The following ZSWIM6 variants were observed in gnomAD, a reference collection of about 807,000 sequenced individuals.
ZSWIM6 encodes zinc finger SWIM-type containing 6.
ZSWIM6 carries 9 observed loss-of-function variants against 113.2 expected under a neutral mutation model. The ratio of observed to expected loss-of-function variants is 0.08; its 90% CI spans 0.05 to 0.14. The LOEUF is 0.14. Ranked by LOEUF, ZSWIM6 falls within the 10% of genes least tolerant of loss-of-function variation. The probability of loss-of-function intolerance (pLI) is 1.00; values close to 1 mark genes in which losing one functional copy is unlikely to be tolerated. For missense variants in ZSWIM6, 1,162 were observed against 1,552.2 expected (o/e 0.75, Z 4.22); for synonymous variants, 611 against 606.5 (o/e 1.01, Z -0.11).
chr5:61,340,039 TA>T (rs1744509309), intron 1 of ZSWIM6, among the ~76,000 whole-genome samples: 1 of 152,244 alleles, frequency 6.6e-6, no homozygotes. Flanking sequence ...GTCTGTTAGA[TA>T]AAAACCTGGT....
chr5:61,514,890 A>G (rs11742658), intron 4 of ZSWIM6, among the ~76,000 whole-genome samples: 58,148 of 151,988 alleles, frequency 0.38, 11,306 homozygotes, highest in African/African-American at 0.44. Context: ...GGCCTCATAC[A>G]GTGGGAACCC....
chr5:61,342,029 G>A (rs1320523164), intron 1 of ZSWIM6, among the ~76,000 whole-genome samples: 4 of 151,910 alleles, frequency 2.6e-5, no homozygotes, highest in East Asian at 3.9e-4. Flanking sequence ...ACAGACATGC[G>A]CCATGACGCC....
chr5:61,356,096 GTGTC>G, intron 1 of ZSWIM6, among the ~76,000 whole-genome samples: 1 of 152,264 alleles, frequency 6.6e-6, no homozygotes, highest in South Asian at 2.1e-4. Flanking sequence ...CTGTGTGTGT[GTGTC>G]TGTGTGTGTG....
intron 1 of ZSWIM6, among the ~76,000 whole-genome samples, chr5:61,378,551 T>C (rs1362042020): frequency 1.4e-5 from 2 of 147,220 alleles, no homozygotes; most frequent in African/African-American, 5.1e-5. Flanking sequence ...CTTTAATACC[T>C]TTCAGATATT....
intron 4 of ZSWIM6, among the ~76,000 whole-genome samples, chr5:61,509,401 A>G (rs890257733): frequency 2.6e-5 from 4 of 152,148 alleles, no homozygotes; most frequent in Non-Finnish European, 5.9e-5. Flanking sequence ...GTTTTGGCAA[A>G]GATACTGTGG....
Position 61,525,792 on chromosome 5 carries a change from A to C in ZSWIM6, c.1514-8A>C. The stretch of plus-strand genomic sequence containing the variant: ...CTGACACGGCTTTCTGAATTGTGGA[A>C]AAAACAGATTCATCGAACAGGCCAC... On this transcript the variant is annotated splice_region_variant and splice_polypyrimidine_tract_variant and intron_variant, in intron 5 of 13. Coordinates refer to ENST00000252744, the MANE Select transcript of ZSWIM6 (RefSeq NM_020928.2). 1 of 1,551,380 alleles carries C rather than the reference A, an allele frequency of 6.4e-7. No homozygotes were observed.
chr5:61,453,926 A>G (rs1747143365), intron 1 of ZSWIM6, among the ~76,000 whole-genome samples: 1 of 152,116 alleles, frequency 6.6e-6, no homozygotes, highest in Non-Finnish European at 1.5e-5. Context: ...TTCACCCACT[A>G]ATTTTATCAT....
intron 1 of ZSWIM6, among the ~76,000 whole-genome samples, chr5:61,467,126 A>C (rs1580010637): frequency 1.3e-5 from 2 of 152,340 alleles, no homozygotes; most frequent in East Asian, 1.9e-4. Context: ...TTATAAGAGC[A>C]GTTCTTCAAC....
chr5:61,517,812 A>G (rs1237911621), intron 4 of ZSWIM6, among the ~76,000 whole-genome samples: 1 of 150,564 alleles, frequency 6.6e-6, no homozygotes, highest in African/African-American at 2.4e-5. Flanking sequence ...TTATTATTAT[A>G]CTTTTAAGTT....
At chr5:61,417,215 G>A (rs1485569496) in intron 1 of ZSWIM6, among the ~76,000 whole-genome samples, 2 of 152,204 alleles carry the variant, frequency 1.3e-5, no homozygotes, top group Non-Finnish European at 2.9e-5. Context: ...GGTTGGAACT[G>A]TAGTTGCAGA....
chr5:61,423,262 G>A (rs1746390690), intron 1 of ZSWIM6, among the ~76,000 whole-genome samples: 1 of 152,056 alleles, frequency 6.6e-6, no homozygotes, highest in Non-Finnish European at 1.5e-5. Flanking sequence ...CAAAAAATTA[G>A]CAGGACATGG....
intron 1 of ZSWIM6, among the ~76,000 whole-genome samples, chr5:61,384,833 G>A (rs1211503273): frequency 6.6e-5 from 10 of 152,048 alleles, no homozygotes; most frequent in African/African-American, 1.9e-4. Flanking sequence ...CGAGGCAGGC[G>A]GATCACGAGG....
At position 61,538,642 on chromosome 5, in the gene ZSWIM6, A is replaced by T. The variant is rs542383266; in HGVS notation, c.2382-172A>T. On this transcript the variant is annotated intron_variant, in intron 10 of 13. Coordinates refer to ENST00000252744, the MANE Select transcript of ZSWIM6 (RefSeq NM_020928.2). ...TTAGCAAACAATTAGTAGTCCAAAA[A>T]ATCTAGGTATTTTGCACCCACACAG... 2.0e-5 allele frequency among the ~76,000 whole-genome samples: 3 copies of T among 152,348 alleles called. No individual in the cohort carries two copies. In the South Asian group the frequency reaches 6.2e-4, roughly 32 times the overall value.
chr5:61,465,451 C>G, intron 1 of ZSWIM6, among the ~76,000 whole-genome samples: 1 of 150,970 alleles, frequency 6.6e-6, no homozygotes. Flanking sequence ...TCAACACTTC[C>G]CCTTAAACTA....
chr5:61,456,912 A>G (rs1239634650), intron 1 of ZSWIM6, among the ~76,000 whole-genome samples: 1 of 99,026 alleles, frequency 1.0e-5, no homozygotes, highest in Non-Finnish European at 2.2e-5. Flanking sequence ...TCTTTTTTTT[A>G]TTATTATTAT....
chr5:61,466,567 GCGCAT>G (rs1401115887), intron 1 of ZSWIM6, among the ~76,000 whole-genome samples: 2 of 152,098 alleles, frequency 1.3e-5, no homozygotes, highest in Non-Finnish European at 2.9e-5. Context: ...TGTACACAGG[GCGCAT>G]ATTTTTTTGG....
chr5:61,483,623 C>T (rs1747936965), intron 2 of ZSWIM6, among the ~76,000 whole-genome samples: 1 of 151,326 alleles, frequency 6.6e-6, no homozygotes, highest in South Asian at 2.1e-4. Flanking sequence ...AATCCCAGCA[C>T]TTTGGGAGGC....
intron 1 of ZSWIM6, among the ~76,000 whole-genome samples, chr5:61,416,620 T>G (rs1385882547): frequency 6.6e-6 from 1 of 152,210 alleles, no homozygotes; most frequent in Non-Finnish European, 1.5e-5. Flanking sequence ...TGTAGGTCCA[T>G]CCCTCTTGGA....
intron 1 of ZSWIM6, among the ~76,000 whole-genome samples, chr5:61,374,051 T>C (rs1342711101): frequency 6.6e-6 from 1 of 152,222 alleles, no homozygotes; most frequent in African/African-American, 2.4e-5. Context: ...TTCATCTACT[T>C]GATAAAAGAT....
Sources: allele counts gnomAD v4.1 joint callset (sites outside exome capture counted in the v4.1 genomes callset), GRCh38; gene constraint gnomAD v4.1.1; transcripts MANE v1.5; gene names NCBI Gene and HGNC (gene_info 2026-07-23, HGNC 2026-07-21).